Variants in CNTNAP2 observed in about 807,000 individuals in gnomAD.
CNTNAP2 encodes contactin-associated protein-like 2.
Under a neutral mutation model 155.2 loss-of-function variants are expected in CNTNAP2, and 98 were observed. The observed-to-expected ratio is 0.63, with a 90% confidence interval of 0.54 to 0.75. The LOEUF (loss-of-function observed/expected upper bound fraction) is 0.75. CNTNAP2 is among the 30% of genes least tolerant of loss of function. CNTNAP2 has a pLI of 0.00. For synonymous variants in CNTNAP2, 651 were observed against 631.2 expected (o/e 1.03, Z -0.47); for missense variants, 1,727 against 1,688.1 (o/e 1.02, Z -0.40).
At chr7:146,737,991 A>G (rs1801649790) in intron 1 of CNTNAP2, among the ~76,000 whole-genome samples, 1 of 152,068 alleles carries the variant, frequency 6.6e-6, no homozygotes. Context: ...GGGAGTGCAG[A>G]TATGTTTTCA....
At chr7:147,340,655 A>G (rs1159275829) in intron 9 of CNTNAP2, among the ~76,000 whole-genome samples, 1 of 152,166 alleles carries the variant, frequency 6.6e-6, no homozygotes, top group Non-Finnish European at 1.5e-5. Context: ...AAAAACACTT[A>G]TATGTCCTAA....
chr7:147,821,596 G>T (rs1798361587), intron 13 of CNTNAP2, among the ~76,000 whole-genome samples: 1 of 152,116 alleles, frequency 6.6e-6, no homozygotes, highest in African/African-American at 2.4e-5. Context: ...CTTCCAGTGT[G>T]GTAACTTAGG....
intron 14 of CNTNAP2, among the ~76,000 whole-genome samples, chr7:147,944,369 T>C (rs1800782313): frequency 6.6e-6 from 1 of 152,212 alleles, no homozygotes; most frequent in South Asian, 2.1e-4. Flanking sequence ...TGTCCCAAGA[T>C]GTTCAAGATG....
chr7:147,258,280 C>T (rs770038172), intron 8 of CNTNAP2, among the ~76,000 whole-genome samples: 5 of 152,124 alleles, frequency 3.3e-5, no homozygotes, highest in Non-Finnish European at 7.4e-5. Flanking sequence ...TATTTCAACA[C>T]ATATAATGTT....
chr7:146,408,351 A>G (rs1795821638), intron 1 of CNTNAP2, among the ~76,000 whole-genome samples: 1 of 152,140 alleles, frequency 6.6e-6, no homozygotes. Flanking sequence ...TGTACACAAC[A>G]AGCAGCACTT....
chr7:148,164,972 C>T (rs1805624189), intron 17 of CNTNAP2, among the ~76,000 whole-genome samples: 1 of 151,928 alleles, frequency 6.6e-6, no homozygotes, highest in Admixed American at 6.6e-5. Context: ...TCCATGGAAA[C>T]AGTGCAGTGA....
At chr7:147,018,281 C>T (rs1263272924) in intron 3 of CNTNAP2, among the ~76,000 whole-genome samples, 1 of 152,022 alleles carries the variant, frequency 6.6e-6, no homozygotes, top group Non-Finnish European at 1.5e-5. Flanking sequence ...AAGACAAGCC[C>T]AATTTCTTTC....
At chr7:146,399,065 C>T (rs6945552) in intron 1 of CNTNAP2, among the ~76,000 whole-genome samples, 2 of 126,492 alleles carry the variant, frequency 1.6e-5, no homozygotes, top group South Asian at 2.2e-4. Context: ...TCTTTAAGAA[C>T]GTTTTGACAA....
Position 146,631,545 on chromosome 7 carries a change from C to A in CNTNAP2, c.98-142726C>A, listed in dbSNP as rs1371482697. ...GAGTATTTGATGAATACCAGTAAGA[C>A]AAATGACCCCAGGTTCTTCACTTGT... On this transcript the variant is annotated intron_variant, in intron 1 of 23. Transcript: ENST00000361727. 4.6e-5 allele frequency among the ~76,000 whole-genome samples: 7 copies of A among 152,254 alleles called. No individual in the cohort carries two copies. In the South Asian group the frequency reaches 1.2e-3, roughly 27 times the overall value.
chr7:146,225,620 G>A (rs1031896839), intron 1 of CNTNAP2, among the ~76,000 whole-genome samples: 2 of 152,180 alleles, frequency 1.3e-5, no homozygotes, highest in Non-Finnish European at 1.5e-5. Context: ...GGCATTAGCA[G>A]TGCACAGACA....
intron 21 of CNTNAP2, among the ~76,000 whole-genome samples, chr7:148,285,189 G>A (rs1266614623): frequency 6.6e-6 from 1 of 152,222 alleles, no homozygotes; most frequent in Non-Finnish European, 1.5e-5. Context: ...CTGGTGATAA[G>A]ACAGACTCTG....
At chr7:146,469,407 A>G (rs970298686) in intron 1 of CNTNAP2, among the ~76,000 whole-genome samples, 4 of 151,756 alleles carry the variant, frequency 2.6e-5, no homozygotes, top group Admixed American at 2.0e-4. Context: ...GCCACTGCCC[A>G]GTTAAAGAAA....
At chr7:146,706,581 C>G (rs1338137288) in intron 1 of CNTNAP2, among the ~76,000 whole-genome samples, 1 of 152,024 alleles carries the variant, frequency 6.6e-6, no homozygotes, top group Non-Finnish European at 1.5e-5. Flanking sequence ...TAATACTCTG[C>G]AGCCATAAAA....
At chr7:148,371,364 T>A (rs1798884175) in intron 21 of CNTNAP2, among the ~76,000 whole-genome samples, 1 of 152,156 alleles carries the variant, frequency 6.6e-6, no homozygotes, top group African/African-American at 2.4e-5. Context: ...AGAAATTGGT[T>A]ATTCGTTTCT....
At chr7:146,876,474 A>C (rs73740900) in intron 3 of CNTNAP2, among the ~76,000 whole-genome samples, 1 of 152,174 alleles carries the variant, frequency 6.6e-6, no homozygotes, top group Non-Finnish European at 1.5e-5. Flanking sequence ...AATAAAATAA[A>C]TGTCCTTCCT....
At chr7:147,831,683 A>T (rs1285696814) in intron 13 of CNTNAP2, 1 of 152,264 alleles carries the variant, frequency 6.6e-6, no homozygotes, top group East Asian at 1.9e-4. Context: ...AAGTAAAAAA[A>T]GAAGTCTAGT....
intron 3 of CNTNAP2, among the ~76,000 whole-genome samples, chr7:146,918,200 G>C (rs1015602403): frequency 3.4e-4 from 51 of 152,086 alleles, no homozygotes; most frequent in African/African-American, 1.2e-3. Flanking sequence ...TGAGAGGTGA[G>C]GTATTGTTTT....
At chr7:148,210,993 G>A (rs1472910956) in intron 18 of CNTNAP2, among the ~76,000 whole-genome samples, 2 of 152,242 alleles carry the variant, frequency 1.3e-5, no homozygotes, top group Non-Finnish European at 2.9e-5. Flanking sequence ...GTTGTGCCAT[G>A]CAGATTGCCT....
chr7:147,310,274 G>C (rs959062666), intron 9 of CNTNAP2, among the ~76,000 whole-genome samples: 1 of 152,088 alleles, frequency 6.6e-6, no homozygotes, highest in African/African-American at 2.4e-5. Context: ...ATTACAAGAA[G>C]TTTTCAAAGA....
Sources: allele counts gnomAD v4.1 joint callset (sites outside exome capture counted in the v4.1 genomes callset), GRCh38; gene constraint gnomAD v4.1.1; transcripts MANE v1.5; gene names NCBI Gene and HGNC (gene_info 2026-07-23, HGNC 2026-07-21).